The following KHDRBS2 variants were observed in gnomAD, a reference collection of about 807,000 sequenced individuals.
KHDRBS2 encodes the protein KH domain-containing, RNA-binding, signal transduction-associated protein 2.
In KHDRBS2, 26 loss-of-function variants were observed where a neutral mutation model predicts 44.3. The observed-to-expected ratio is 0.59, with a 90% CI of 0.43 to 0.81. KHDRBS2 has a LOEUF of 0.81. Ranked by LOEUF, KHDRBS2 falls within the 40% of genes least tolerant of loss-of-function variation. The pLI is 0.00. For missense variants in KHDRBS2, 476 were observed against 433.1 expected (o/e 1.10, Z -0.88); for synonymous variants, 194 against 151.1 (o/e 1.28, Z -2.08).
the KHDRBS2 span, among the ~76,000 whole-genome samples, chr6:61,618,917 A>G: frequency 6.6e-5 from 10 of 152,006 alleles, no homozygotes; most frequent in Non-Finnish European, 1.5e-4. Flanking sequence ...TATATTTATC[A>G]TTTCTTGGGT....
At chr6:61,961,750 A>C (rs2127393639) in intron 4 of KHDRBS2, among the ~76,000 whole-genome samples, 1 of 152,230 alleles carries the variant, frequency 6.6e-6, no homozygotes, top group African/African-American at 2.4e-5. Context: ...ACCACGGCAC[A>C]TGAGGTCAAA....
At chr6:62,258,412 T>C (rs1223357283) in intron 1 of KHDRBS2, among the ~76,000 whole-genome samples, 1 of 152,044 alleles carries the variant, frequency 6.6e-6, no homozygotes, top group Non-Finnish European at 1.5e-5. Flanking sequence ...GTATTAATGG[T>C]ATGTCATACT....
chr6:62,032,494 T>A (rs1039444063), intron 3 of KHDRBS2, among the ~76,000 whole-genome samples: 1 of 151,460 alleles, frequency 6.6e-6, no homozygotes, highest in Non-Finnish European at 1.5e-5. Context: ...CTTGTGATCG[T>A]GTGAGTTAAT....
intron 6 of KHDRBS2, among the ~76,000 whole-genome samples, chr6:61,887,589 A>C (rs1267925723): frequency 6.6e-6 from 1 of 152,164 alleles, no homozygotes; most frequent in Non-Finnish European, 1.5e-5. Flanking sequence ...AGCTGCAAGG[A>C]GTGGATTTGA....
chr6:61,905,359 G>A (rs1282322502), intron 4 of KHDRBS2, among the ~76,000 whole-genome samples: 1 of 151,984 alleles, frequency 6.6e-6, no homozygotes, highest in Non-Finnish European at 1.5e-5. Context: ...AAAATATATG[G>A]TATGAATGGG....
chr6:61,839,193 A>G (rs556303469), intron 6 of KHDRBS2, among the ~76,000 whole-genome samples: 8 of 152,228 alleles, frequency 5.3e-5, no homozygotes, highest in African/African-American at 1.9e-4. Context: ...ATAATTGTTC[A>G]TCTTATATTA....
intron 3 of KHDRBS2, among the ~76,000 whole-genome samples, chr6:62,025,768 C>T (rs532448183): frequency 3.3e-5 from 5 of 152,092 alleles, no homozygotes; most frequent in East Asian, 3.9e-4. Flanking sequence ...ATCTTTTCCT[C>T]GTAGAAGACA....
chr6:61,950,335 C>A (rs963820713), intron 4 of KHDRBS2, among the ~76,000 whole-genome samples: 6 of 151,998 alleles, frequency 3.9e-5, no homozygotes, highest in African/African-American at 9.7e-5. Context: ...CTGATATCAC[C>A]AACTTCCTTC....
At chr6:62,062,546 T>A (rs995526080) in intron 2 of KHDRBS2, among the ~76,000 whole-genome samples, 3 of 151,542 alleles carry the variant, frequency 2.0e-5, no homozygotes, top group African/African-American at 7.3e-5. Flanking sequence ...CATAACAAAA[T>A]GAAGGCAGAA....
At chr6:62,102,609 A>G (rs1195118265) in intron 2 of KHDRBS2, among the ~76,000 whole-genome samples, 1 of 151,904 alleles carries the variant, frequency 6.6e-6, no homozygotes, top group Non-Finnish European at 1.5e-5. Flanking sequence ...CTGCTGCCTG[A>G]CTCTGGCCCA....
At chr6:61,872,427 T>C (rs1307702455) in intron 6 of KHDRBS2, among the ~76,000 whole-genome samples, 1 of 152,168 alleles carries the variant, frequency 6.6e-6, no homozygotes, top group Non-Finnish European at 1.5e-5. Context: ...GAAATATTTC[T>C]GGATATGACA....
the KHDRBS2 span, among the ~76,000 whole-genome samples, chr6:61,670,667 T>C: frequency 1.9e-3 from 294 of 151,582 alleles, 2 homozygotes; most frequent in African/African-American, 6.7e-3. Flanking sequence ...CATTTCTAAT[T>C]TTAAAGTTTA....
intron 7 of KHDRBS2, among the ~76,000 whole-genome samples, chr6:61,727,229 T>C (rs750943930): frequency 5.9e-5 from 9 of 152,164 alleles, no homozygotes; most frequent in Non-Finnish European, 1.0e-4. Flanking sequence ...TCTAGCCATA[T>C]GGAGAAAATT....
chr6:61,977,924 AT>A (rs1335206374), intron 4 of KHDRBS2, 141 bp downstream of exon 4: 4 of 668,218 alleles, frequency 6.0e-6, no homozygotes, highest in Non-Finnish European at 9.5e-6. Flanking sequence ...ATCCTATTTT[AT>A]TTTTTAGCTT....
chr6:61,852,841 GTTTAC>G lies in KHDRBS2; in HGVS notation c.810+41789_810+41793del, dbSNP rs1045556999. Among the ~76,000 whole-genome samples the G allele has an allele frequency of 5.3e-5, 8 of 152,090 alleles. No homozygotes were observed. The South Asian group carries it at 1.0e-3, about 20-fold the overall frequency. On this transcript the variant is annotated intron_variant, in intron 6 of 8. Transcript: ENST00000281156. The stretch of plus-strand genomic sequence containing the variant: ...TGTATATGTGTATGTAGTGAGTTCT[GTTTAC>G]TTTTCTTTATTGAAATATTATTTAC...
rs189695166 is a variant in KHDRBS2 at position 62,206,546 on chromosome 6, G to A, written c.92-29234C>T. 2.7e-4 allele frequency among the ~76,000 whole-genome samples: 41 copies of A among 152,010 alleles called. 1 individual carries two copies. Among genetic ancestry groups the A allele is most frequent in the African/African-American group, 9.4e-4 (39 of 41,498 alleles). ...TTCTTTCATTTGTTTAAATGTTTAA[G>A]TACCTTCAATAAAATAGGAAGAGTG... On this transcript the variant is annotated intron_variant, in intron 1 of 8. Coordinates refer to ENST00000281156, the MANE Select transcript of KHDRBS2 (RefSeq NM_152688.4).
intron 3 of KHDRBS2, among the ~76,000 whole-genome samples, chr6:61,996,794 A>AC (rs1457126277): frequency 3.0e-4 from 21 of 68,866 alleles, no homozygotes; most frequent in African/African-American, 7.9e-4. Context: ...TCCCCCCCTC[A>AC]CCCCCCCGAG....
At chr6:62,161,424 TATTAG>T (rs1194125947) in intron 2 of KHDRBS2, among the ~76,000 whole-genome samples, 4 of 151,246 alleles carry the variant, frequency 2.6e-5, no homozygotes, top group Admixed American at 2.6e-4. Context: ...ATTTACATAG[TATTAG>T]ATATTATAAA....
intron 2 of KHDRBS2, among the ~76,000 whole-genome samples, chr6:62,126,580 T>C (rs1269375427): frequency 2.6e-5 from 4 of 152,162 alleles, no homozygotes; most frequent in Non-Finnish European, 5.9e-5. Context: ...CCAGTGGTGA[T>C]GGCCACAAAA....
Sources: gnomAD v4.1 joint callset for allele counts (sites outside exome capture counted in the v4.1 genomes callset) on GRCh38, gnomAD v4.1.1 for gene constraint, MANE v1.5 for transcripts, NCBI Gene and HGNC (gene_info 2026-07-23, HGNC 2026-07-21) for gene names.